Variants in FBN3 observed in about 807,000 individuals in gnomAD.
FBN3 encodes the protein fibrillin-3.
FBN3 carries 234 observed loss-of-function variants against 330.1 expected under a neutral mutation model. That is an observed-to-expected ratio of 0.71 (90% confidence interval 0.64 to 0.79). FBN3 has a LOEUF of 0.79. Ranked by LOEUF, FBN3 falls within the 30% of genes least tolerant of loss-of-function variation. FBN3 has a pLI of 0.00. For synonymous variants in FBN3, 1,458 were observed against 1,517.3 expected (o/e 0.96, Z 0.91); for missense variants, 3,606 against 3,886.9 (o/e 0.93, Z 1.92).
At chr19:8,135,935 T>TGGGGGGGGGGGGGGGGC in intron 13 of FBN3, 26 bp downstream of exon 13, 3 of 1,344,150 alleles carry the variant, frequency 2.2e-6, no homozygotes, top group Non-Finnish European at 3.0e-6. Context: ...CGGAAGCCCC[T>TGGGGGGGGGGGGGGGGC]GCCCACCCGC....
chr19:8,091,707 G>A, intron 47 of FBN3, 117 bp from the exon 48 acceptor site: 1 of 1,174,366 alleles, frequency 8.5e-7, no homozygotes, highest in Non-Finnish European at 1.2e-6. Flanking sequence ...GGCTGCAGTG[G>A]GGCTGGGGTC....
At chr19:8,126,935 GTGCACCCAGA>G (rs1342450831) in intron 18 of FBN3, 103 bp from the exon 19 acceptor site, 12 of 1,368,368 alleles carry the variant, frequency 8.8e-6, no homozygotes, top group Non-Finnish European at 1.2e-5. Flanking sequence ...GTGGCACGGG[GTGCACCCAGA>G]TGCACAAGCA....
chr19:8,094,499 G>A lies in FBN3; in HGVS notation c.5852C>T (p.Ser1951Phe), dbSNP rs201229750. ...GCCAGGGGGACAGATGCAGCGGAAG[G>A]AGCCCTCGAGGTTCTGGCAAGTGCC... ...LPGTCQNLEG[S>F]FRCICPPGFQ... is the part of the protein sequence containing the mutation. The change falls in exon 47 of 64, where the codon TCC becomes TTC. Residue 1951 changes from serine (S) to phenylalanine (F), a missense_variant. Ser to Phe is a radical substitution (Grantham distance 155, BLOSUM62 -2). Coordinates refer to ENST00000600128, the MANE Select transcript of FBN3 (RefSeq NM_032447.5). 2 of 1,613,956 alleles carry A rather than the reference G, an allele frequency of 1.2e-6. No homozygotes were observed. Among genetic ancestry groups the A allele is most frequent in the African/African-American group, 1.3e-5 (1 of 75,038 alleles).
intron 22 of FBN3, 25 bp downstream of exon 22, chr19:8,125,867 G>A (rs751539353): frequency 4.4e-6 from 7 of 1,591,120 alleles, no homozygotes; most frequent in Admixed American, 3.7e-5. Context: ...GTGTGGCCCT[G>A]TATGCGGACC....
chr19:8,084,472 G>C (rs1320059215), intron 56 of FBN3, among the ~76,000 whole-genome samples: 1 of 151,960 alleles, frequency 6.6e-6, no homozygotes, highest in Non-Finnish European at 1.5e-5. Flanking sequence ...AGGAGTTCGA[G>C]ACCAGCCTGG....
intron 26 of FBN3, among the ~76,000 whole-genome samples, chr19:8,118,502 C>T (rs975964248): frequency 6.6e-6 from 1 of 152,094 alleles, no homozygotes; most frequent in African/African-American, 2.4e-5. Flanking sequence ...TGCAAACACA[C>T]TTGCCCTTGG....
At chr19:8,132,841 C>G in intron 14 of FBN3, 143 bp downstream of exon 14, 1 of 969,212 alleles carries the variant, frequency 1.0e-6, no homozygotes, top group Non-Finnish European at 1.5e-6. Context: ...TTCCCTCCTC[C>G]TCCTCTTTTT....
Position 8,075,091 on chromosome 19 carries a change from G to A in FBN3, c.7682C>T (p.Ser2561Phe), listed in dbSNP as rs747955852. 2 of 1,601,698 alleles carry A rather than the reference G, an allele frequency of 1.2e-6. No individual in the cohort carries two copies. Among genetic ancestry groups the A allele is most frequent in the Admixed American group, 1.7e-5 (1 of 57,872 alleles). The change falls in exon 61 of 64, where the codon TCC becomes TTC. Residue 2561 changes from serine (S) to phenylalanine (F), a missense_variant. Ser to Phe is a radical substitution (Grantham distance 155, BLOSUM62 -2). Transcript: ENST00000600128. The part of the protein sequence containing the change: ...CSCPQGFTQH[S>F]QWAQCVDENE... Reference sequence around the variant, plus strand: ...CTCACCCACACACTGGGCCCACTGGGAGTGCTGGGTGAAACCCTGGGGGCA... The same window carrying A: ...CTCACCCACACACTGGGCCCACTGGAAGTGCTGGGTGAAACCCTGGGGGCA...
intron 13 of FBN3, 26 bp downstream of exon 13, chr19:8,135,935 T>TTGGGGGGGGGGGGGGGGGGGCCC: frequency 7.4e-7 from 1 of 1,344,156 alleles, no homozygotes; most frequent in Non-Finnish European, 1.0e-6. Context: ...CGGAAGCCCC[T>TTGGGGGGGGGGGGGGGGGGGCCC]GCCCACCCGC....
intron 1 of FBN3, chr19:8,148,692 G>A (rs2083607566): frequency 6.6e-6 from 1 of 152,336 alleles, no homozygotes; most frequent in Non-Finnish European, 1.5e-5. Flanking sequence ...CCTAGGTGGA[G>A]AATGGGCGGG....
intron 25 of FBN3, among the ~76,000 whole-genome samples, chr19:8,120,189 A>G (rs1352661050): frequency 8.0e-6 from 1 of 125,040 alleles, no homozygotes; most frequent in African/African-American, 3.2e-5. Context: ...TTTAATTTGG[A>G]GACAGAATCT....
chr19:8,083,284 G>A lies in FBN3; in HGVS notation c.7176C>T (p.Ala2392=), dbSNP rs374225001. The change falls in exon 57 of 64, where the codon GCC becomes GCT. Residue 2392 remains alanine, a synonymous_variant. Transcript: ENST00000600128. ...SLGSFRCHCQ[A]GYTPDATATT... ...TAGCAGTAGCATCCGGTGTGTACCC[G>A]GCCTGACAGTGGCAGCGGAAGGAGC... 8.1e-6 allele frequency: 13 copies of A among 1,614,114 alleles called. No homozygotes were observed. Among genetic ancestry groups the A allele is most frequent in the East Asian group, 6.7e-5 (3 of 44,882 alleles).
rs1262997574 is a variant in FBN3 at position 8,147,334 on chromosome 19, G to C, written c.147C>G (p.Gly49=). ...AAGPGRVRRR[G]SPGILQGPNV... ...CGCACCCCTGCAAGATGCCTGGGCT[G>C]CCCCGCCTCCGCACACGTCCAGGAC... Residue 49 remains glycine (G), a synonymous_variant, in exon 2 of 64, where the codon GGC becomes GGG. Coordinates refer to ENST00000600128, the MANE Select transcript of FBN3 (RefSeq NM_032447.5). 1.3e-6 allele frequency: 2 copies of C among 1,597,584 alleles called. No individual in the cohort carries two copies. The highest frequency in any genetic ancestry group is 1.7e-6 in the Non-Finnish European group (2 of 1,174,296).
chr19:8,099,179 T>A (rs1179511990), intron 41 of FBN3, among the ~76,000 whole-genome samples: 1 of 151,526 alleles, frequency 6.6e-6, no homozygotes. Flanking sequence ...GAAAGAAATA[T>A]TCCAGCCATA....
Position 8,111,972 on chromosome 19 carries a change from C to T in FBN3, c.3961+5G>A. The T allele has an allele frequency of 6.4e-7, 1 of 1,574,436 alleles. No homozygotes were observed. Among genetic ancestry groups the T allele is most frequent in the Non-Finnish European group, 8.7e-7 (1 of 1,154,386 alleles). On this transcript the variant is annotated splice_donor_5th_base_variant and intron_variant, in intron 31 of 63. Coordinates refer to ENST00000600128, the MANE Select transcript of FBN3 (RefSeq NM_032447.5). Reference sequence around the variant, plus strand: ...TGCCCCCACTCCCTGCCCCCAGGTACTCACCGTGACATTCGAAGCCATCCC... The same window carrying T: ...TGCCCCCACTCCCTGCCCCCAGGTATTCACCGTGACATTCGAAGCCATCCC...
chr19:8,098,905 C>T (rs1022743625), intron 41 of FBN3, among the ~76,000 whole-genome samples: 3 of 152,188 alleles, frequency 2.0e-5, no homozygotes, highest in Admixed American at 2.0e-4. Context: ...AAGTGTCCAT[C>T]AGTGGGGGAC....
At chr19:8,118,776 C>T (rs1194401171) in intron 26 of FBN3, 121 bp downstream of exon 26, 1 of 1,288,836 alleles carries the variant, frequency 7.8e-7, no homozygotes, top group Non-Finnish European at 1.1e-6. Context: ...TAGGTATGGC[C>T]TCAGAAAGAC....
At position 8,096,900 on chromosome 19, in the gene FBN3, C is replaced by A. The variant is rs80293030; in HGVS notation, c.5394G>T (p.Ser1798=). ...RCKCTRGYKL[S]PGGACVGRNE... is the part of the protein sequence containing the mutation. ...GCTCACCCACACAAGCCCCGCCTGGCGACAGTTTGTACCCTCGGGTGCACT... is the reference window on the plus strand; with the variant it reads ...GCTCACCCACACAAGCCCCGCCTGGAGACAGTTTGTACCCTCGGGTGCACT... The change falls in exon 43 of 64, where the codon TCG becomes TCT. Residue 1798 remains serine, a synonymous_variant. Transcript: ENST00000600128. This position sits in a 1 kb window ranked among gnomAD's most constrained non-coding sequence, Gnocchi z 4.6. 6.2e-7 allele frequency: 1 copy of A among 1,613,530 alleles called. No homozygotes were observed.
In FBN3 at chr19:8,131,971, T is replaced by C; in HGVS notation, c.1715-142A>G. The stretch of plus-strand genomic sequence containing the variant: ...CTTGTCTTTCCAGTTTCCTGTTGTC[T>C]GTGTCTCTGTCCTCTCCTCCTCTTG... On this transcript the variant is annotated intron_variant, in intron 14 of 63. Coordinates refer to ENST00000600128, the MANE Select transcript of FBN3 (RefSeq NM_032447.5). This position sits in a 1 kb window ranked among gnomAD's most constrained non-coding sequence, Gnocchi z 4.5. The C allele has an allele frequency of 1.1e-6, 1 of 951,772 alleles. No homozygotes were observed. The highest frequency in any genetic ancestry group is 1.5e-6 in the Non-Finnish European group (1 of 669,078). 59.0% of individuals were successfully genotyped at this position (951,772 alleles called of 1,614,324 possible).
Sources: gnomAD v4.1 joint callset for allele counts (sites outside exome capture counted in the v4.1 genomes callset) on GRCh38, gnomAD v4.1.1 for gene constraint, Gnocchi (gnomAD v3.1) non-coding constraint, MANE v1.5 for transcripts, NCBI Gene and HGNC (gene_info 2026-07-23, HGNC 2026-07-21) for gene names.